Variants in RPS6KB1 observed in about 807,000 individuals in gnomAD.
The protein encoded by RPS6KB1 is ribosomal protein S6 kinase B1, also known as ribosomal protein S6 kinase beta-1.
A neutral mutation model predicts 70.2 loss-of-function variants in RPS6KB1; 12 were observed. The observed-to-expected ratio is 0.17, with a 90% CI of 0.11 to 0.28. The LOEUF (loss-of-function observed/expected upper bound fraction) is 0.28. Among genes scored for constraint, RPS6KB1 ranks in the 10% least tolerant of loss-of-function variants. The probability of loss-of-function intolerance (pLI) is 1.00; values close to 1 mark genes in which losing one functional copy is unlikely to be tolerated. For missense variants in RPS6KB1, 270 were observed against 646.6 expected, an observed-to-expected ratio of 0.42 and a Z score of 6.32; for synonymous variants, 175 against 211.2, an observed-to-expected ratio of 0.83 and a Z score of 1.49.
chr17:59,916,807 C>A (rs1397507136), intron 4 of RPS6KB1, among the ~76,000 whole-genome samples: 1 of 152,114 alleles, frequency 6.6e-6, no homozygotes, highest in African/African-American at 2.4e-5. Context: ...TGACACTATA[C>A]TAGTGGCTCC....
At chr17:59,933,464 A>G (rs1238294903) in intron 7 of RPS6KB1, among the ~76,000 whole-genome samples, 1 of 152,210 alleles carries the variant, frequency 6.6e-6, no homozygotes, top group Non-Finnish European at 1.5e-5. Context: ...ATTTGAATCA[A>G]TAGGTCATTG....
At chr17:59,928,027 G>T (rs919255757) in intron 5 of RPS6KB1, among the ~76,000 whole-genome samples, 46 of 151,676 alleles carry the variant, frequency 3.0e-4, no homozygotes, top group Admixed American at 8.5e-4. Flanking sequence ...GTATGGTGGT[G>T]TGCTCCTGTA....
chr17:59,906,756 G>A (rs1252617016), intron 1 of RPS6KB1, among the ~76,000 whole-genome samples: 1 of 152,048 alleles, frequency 6.6e-6, no homozygotes, highest in African/African-American at 2.4e-5. Flanking sequence ...GTGCAATGGT[G>A]TGATCTCGCT....
intron 4 of RPS6KB1, among the ~76,000 whole-genome samples, chr17:59,920,915 T>C (rs1206332512): frequency 6.6e-6 from 1 of 152,132 alleles, no homozygotes; most frequent in Non-Finnish European, 1.5e-5. Context: ...GCCAGGCTGG[T>C]CTCAAACTCC....
In RPS6KB1 at chr17:59,912,709, G is replaced by C. The variant is rs2144793984; in HGVS notation, c.217G>C (p.Glu73Gln). ...ELGMEHCEKF[E>Q]ISETSVNRGP... is the part of the protein sequence containing the mutation. ...TGGCATGGAACATTGTGAGAAATTT[G>C]AAATCTCAGAAACTAGTGTGAACAG... Residue 73 changes from glutamate (E) to glutamine (Q), a missense_variant, in exon 3 of 15, where the codon GAA (glutamate) becomes CAA (glutamine). Glu to Gln is a conservative substitution (Grantham distance 29). Around this residue, in one of 4 missense-constraint regions of RPS6KB1, gnomAD observed 72 missense variants for 93.4 expected, o/e 0.77. Coordinates refer to ENST00000225577, the MANE Select transcript of RPS6KB1 (RefSeq NM_003161.4). 1.2e-6 allele frequency: 2 copies of C among 1,613,604 alleles called. No homozygotes were observed. Among genetic ancestry groups the C allele is most frequent in the Non-Finnish European group, 8.5e-7 (1 of 1,179,724 alleles).
At chr17:59,919,292 A>C (rs1462175052) in intron 4 of RPS6KB1, among the ~76,000 whole-genome samples, 1 of 152,106 alleles carries the variant, frequency 6.6e-6, no homozygotes, top group African/African-American at 2.4e-5. Flanking sequence ...TCGGAGGCTG[A>C]GGCAGGTTGA....
intron 1 of RPS6KB1, among the ~76,000 whole-genome samples, chr17:59,897,569 G>T (rs1361347192): frequency 6.6e-6 from 1 of 152,092 alleles, no homozygotes; most frequent in East Asian, 1.9e-4. Context: ...CTATGCGTTA[G>T]TAAATATAGG....
In RPS6KB1 at chr17:59,893,148, C is replaced by G; in HGVS notation, c.-37C>G. 1.9e-6 allele frequency: 3 copies of G among 1,598,436 alleles called. No homozygotes were observed. Among genetic ancestry groups the G allele is most frequent in the Non-Finnish European group, 2.6e-6 (3 of 1,173,296 alleles). On this transcript the variant is annotated 5_prime_UTR_variant, in exon 1 of 15. Transcript: ENST00000225577. The surrounding 1 kb of genome is among the most constrained non-coding windows in gnomAD (Gnocchi z 4.1). ...ACTGAGCCTAAGCAGCCGGTGATGG[C>G]GGCAGCGGCTGTGGTGGCTGCGGCG... is the stretch of plus-strand genomic sequence containing the variant.
At position 59,893,343 on chromosome 17, in the gene RPS6KB1, C is replaced by T. The variant is rs765669719; in HGVS notation, c.141+18C>T. 9 of 1,587,860 alleles carry T rather than the reference C, an allele frequency of 5.7e-6. No homozygotes were observed. The highest frequency in any genetic ancestry group is 2.3e-5 in the East Asian group (1 of 43,560). On this transcript the variant is annotated intron_variant, in intron 1 of 14. Coordinates refer to ENST00000225577, the MANE Select transcript of RPS6KB1 (RefSeq NM_003161.4). This position sits in a 1 kb window ranked among gnomAD's most constrained non-coding sequence, Gnocchi z 4.1. ...AGGAGGGGGTGAGGCCCGGGGTCCCCGGGGGCCCGAGGTGACAGGGCCGGG... is the reference window on the plus strand; with the variant it reads ...AGGAGGGGGTGAGGCCCGGGGTCCCTGGGGGCCCGAGGTGACAGGGCCGGG...
rs181014356 is a variant in RPS6KB1, at chr17:59,910,736, C to T, written c.191+125C>T. On this transcript the variant is annotated intron_variant, in intron 2 of 14. Transcript: ENST00000225577. ...TTAAATATGTAGTCATATTTATCAA[C>T]TCGATGTATTGAATTTGGCACCAAA... 1.4e-4 allele frequency: 91 copies of T among 635,898 alleles called. No homozygotes were observed. The East Asian group carries it at 2.0e-3, about 14-fold the overall frequency. The allele number at this position is 635,898 out of a possible 1,614,324, so 39.4% of individuals were successfully genotyped here. A position where few individuals can be genotyped will look rare whatever the true frequency, so the allele number is the denominator to read the frequency against.
chr17:59,907,540 AT>A (rs34066262), intron 1 of RPS6KB1: 259 of 141,794 alleles, frequency 1.8e-3, no homozygotes, highest in Non-Finnish European at 1.8e-3. Flanking sequence ...ACTTTGGTTA[AT>A]TTTTTTTTTT....
chr17:59,937,734 A>G (rs1437978193), intron 12 of RPS6KB1, among the ~76,000 whole-genome samples: 1 of 152,186 alleles, frequency 6.6e-6, no homozygotes, highest in Non-Finnish European at 1.5e-5. Context: ...TACATCTGCA[A>G]TAACCCTTTC....
intron 3 of RPS6KB1, 121 bp downstream of exon 3, chr17:59,912,925 A>T: frequency 9.6e-7 from 1 of 1,046,180 alleles, no homozygotes; most frequent in Non-Finnish European, 1.4e-6. Flanking sequence ...GATCATGACC[A>T]CTTAGCTGGT....
At chr17:59,918,311 C>G (rs1243601031) in intron 4 of RPS6KB1, among the ~76,000 whole-genome samples, 2 of 151,682 alleles carry the variant, frequency 1.3e-5, no homozygotes, top group Admixed American at 6.6e-5. Flanking sequence ...TTATAGCAAC[C>G]TGTTTAATGA....
At chr17:59,924,019 G>A (rs951636200) in intron 4 of RPS6KB1, among the ~76,000 whole-genome samples, 2 of 152,172 alleles carry the variant, frequency 1.3e-5, no homozygotes, top group African/African-American at 4.8e-5. Context: ...CACTAAGGGT[G>A]TGCAGTCTAA....
intron 1 of RPS6KB1, among the ~76,000 whole-genome samples, chr17:59,895,976 A>G (rs2041532972): frequency 6.6e-6 from 1 of 152,178 alleles, no homozygotes; most frequent in South Asian, 2.1e-4. Context: ...AATTCCAATT[A>G]GCCTCTTAAT....
Position 59,893,870 on chromosome 17 carries a change from C to A in RPS6KB1, c.141+545C>A. ...GCACTGCCGCTGCTGTTACAGCCAC[C>A]AGGAGTTTTATTTCGGGAGCAAGGG... On this transcript the variant is annotated intron_variant, in intron 1 of 14. Coordinates refer to ENST00000225577, the MANE Select transcript of RPS6KB1 (RefSeq NM_003161.4). The surrounding 1 kb of genome is among the most constrained non-coding windows in gnomAD (Gnocchi z 4.1). 3.0e-6 allele frequency: 3 copies of A among 985,120 alleles called. No homozygotes were observed. Among genetic ancestry groups the A allele is most frequent in the Non-Finnish European group, 3.6e-6 (3 of 829,962 alleles). The allele number at this position is 985,120 out of a possible 1,614,324, so 61.0% of individuals were successfully genotyped here.
At chr17:59,912,406 A>G (rs931906654) in intron 2 of RPS6KB1, 3 of 294,734 alleles carry the variant, frequency 1.0e-5, no homozygotes, top group Admixed American at 4.5e-5. Context: ...CATCTACCCA[A>G]TGAAAAACCA....
intron 4 of RPS6KB1, among the ~76,000 whole-genome samples, chr17:59,917,137 G>T (rs968167940): frequency 1.3e-5 from 2 of 152,002 alleles, no homozygotes; most frequent in Non-Finnish European, 2.9e-5. Context: ...GTTAGTTTTT[G>T]AGATAGGGTC....
Sources: gnomAD v4.1 joint callset for allele counts (sites outside exome capture counted in the v4.1 genomes callset) on GRCh38, gnomAD v4.1.1 for gene constraint, gnomAD v4.1.1 regional missense constraint, Gnocchi (gnomAD v3.1) non-coding constraint, MANE v1.5 for transcripts, NCBI Gene and HGNC (gene_info 2026-07-23, HGNC 2026-07-21) for gene names.